FBXO25: variants seen among roughly 807,000 people sequenced by gnomAD.
FBXO25 encodes F-box protein 25, also known as F-box only protein 25.
A neutral mutation model predicts 51.9 loss-of-function variants in FBXO25; 45 were observed. The observed-to-expected ratio is 0.87, with a 90% confidence interval of 0.68 to 1.11. The LOEUF (loss-of-function observed/expected upper bound fraction) is 1.11, where lower values mean the gene tolerates loss of function less well. FBXO25 is among the 50% of genes most tolerant of loss of function. The pLI, the probability that FBXO25 is intolerant of heterozygous loss-of-function variation, is 0.00. For missense variants in FBXO25, 507 were observed against 428.5 expected, an observed-to-expected ratio of 1.18 and a Z score of -1.62; for synonymous variants, 199 against 151.0, an observed-to-expected ratio of 1.32 and a Z score of -2.33.
At chr8:446,461 G>A (rs1483861486) in intron 5 of FBXO25, among the ~76,000 whole-genome samples, 1 of 152,166 alleles carries the variant, frequency 6.6e-6, no homozygotes, top group Admixed American at 6.5e-5. Context: ...CTCAGTCTAG[G>A]ATTCAGATTA....
chr8:434,147 C>A (rs1214642053), intron 4 of FBXO25, among the ~76,000 whole-genome samples: 1 of 152,164 alleles, frequency 6.6e-6, no homozygotes, highest in Non-Finnish European at 1.5e-5. Context: ...GGACTGGGTG[C>A]TGGTGTCCCT....
intron 1 of FBXO25, among the ~76,000 whole-genome samples, chr8:408,914 T>G (rs1300138229): frequency 6.6e-6 from 1 of 152,204 alleles, no homozygotes; most frequent in African/African-American, 2.4e-5. Context: ...TTTAATAATT[T>G]TCAGGAGTAA....
intron 1 of FBXO25, among the ~76,000 whole-genome samples, chr8:412,848 T>C (rs535494258): frequency 5.9e-5 from 9 of 152,358 alleles, no homozygotes; most frequent in Non-Finnish European, 1.2e-4. Flanking sequence ...TTTCATGGGA[T>C]ACGCAGTATT....
At chr8:448,126 G>A (rs556019748) in intron 5 of FBXO25, among the ~76,000 whole-genome samples, 78 of 151,934 alleles carry the variant, frequency 5.1e-4, no homozygotes, top group Non-Finnish European at 1.0e-3. Context: ...AGGGAGAGGG[G>A]TTCCAGCATA....
chr8:421,747 G>A lies in FBXO25; in HGVS notation c.134+8534G>A, dbSNP rs568504345. On this transcript the variant is annotated intron_variant, in intron 2 of 9. Transcript: ENST00000350302. ...CCAGCCTGAGATGGTGGATCCTAAGGGCTCCTCAGGGAAGGGGTTGGTTCC... is the reference window on the plus strand; with the variant it reads ...CCAGCCTGAGATGGTGGATCCTAAGAGCTCCTCAGGGAAGGGGTTGGTTCC... Among the ~76,000 whole-genome samples, 11 of 152,266 alleles carry A rather than the reference G, an allele frequency of 7.2e-5. No homozygotes were observed. In the South Asian group the frequency reaches 2.3e-3, roughly 32 times the overall value.
At chr8:456,954 A>T (rs1799479237) in intron 7 of FBXO25, among the ~76,000 whole-genome samples, 1 of 152,232 alleles carries the variant, frequency 6.6e-6, no homozygotes, top group African/African-American at 2.4e-5. Flanking sequence ...CACAGAGGTC[A>T]GGTGATTTTG....
chr8:428,043 G>A (rs1306510007), intron 2 of FBXO25, among the ~76,000 whole-genome samples: 1 of 152,174 alleles, frequency 6.6e-6, no homozygotes, highest in Non-Finnish European at 1.5e-5. Flanking sequence ...ACTAAAATGA[G>A]GATTGTAATT....
chr8:470,704 A>G lies in FBXO25; in HGVS notation c.*1900A>G, dbSNP rs959199700. 2 of 152,230 alleles carry G rather than the reference A, an allele frequency of 1.3e-5. No homozygotes were observed. The highest frequency in any genetic ancestry group is 2.4e-5 in the African/African-American group (1 of 41,450). The allele number at this position is 152,230 out of a possible 1,614,324, so 9.4% of individuals were successfully genotyped here. ...CTGAGAAAAGAAATTGTTCTAATCT[A>G]GGAAAGGGAGTAAGTACATTGAGTT... is the stretch of plus-strand genomic sequence containing the variant. On this transcript the variant is annotated 3_prime_UTR_variant, in exon 10 of 10. Transcript: ENST00000350302.
Position 415,894 on chromosome 8 carries a change from A to C in FBXO25, c.134+2681A>C, listed in dbSNP as rs1245633215. Among the ~76,000 whole-genome samples the C allele has an allele frequency of 7.2e-5, 11 of 152,306 alleles. No individual in the cohort carries two copies. The East Asian group carries it at 2.1e-3, about 29-fold the overall frequency. Reference sequence around the variant, plus strand: ...TTTTCCATCAGATTTCAGTGTTATTATGGGCACTGTAATTGCCTATAGTTA... The same window carrying C: ...TTTTCCATCAGATTTCAGTGTTATTCTGGGCACTGTAATTGCCTATAGTTA... On this transcript the variant is annotated intron_variant, in intron 2 of 9. Transcript: ENST00000350302.
intron 1 of FBXO25, among the ~76,000 whole-genome samples, chr8:409,822 A>C (rs1328927194): frequency 6.6e-6 from 1 of 152,190 alleles, no homozygotes; most frequent in Non-Finnish European, 1.5e-5. Flanking sequence ...AACACTGCTC[A>C]CGCTGATCTG....
At chr8:425,937 A>G (rs1010364190) in intron 2 of FBXO25, among the ~76,000 whole-genome samples, 2 of 151,384 alleles carry the variant, frequency 1.3e-5, no homozygotes, top group African/African-American at 2.4e-5. Flanking sequence ...CTTTATAGCA[A>G]ACACTTAGTT....
At position 418,096 on chromosome 8, in the gene FBXO25, A is replaced by T. The variant is rs1350068688; in HGVS notation, c.134+4883A>T. Among the ~76,000 whole-genome samples the T allele has an allele frequency of 4.6e-5, 7 of 152,132 alleles. No homozygotes were observed. In the East Asian group the frequency reaches 1.4e-3, roughly 29 times the overall value. ...ACACACTGCACAAGGGGAGGGTTTC[A>T]TCATGAGGGAATAATGGCTGAAATG... On this transcript the variant is annotated intron_variant, in intron 2 of 9. Transcript: ENST00000350302.
chr8:459,954 T>C (rs142072018), intron 8 of FBXO25, among the ~76,000 whole-genome samples: 1 of 152,100 alleles, frequency 6.6e-6, no homozygotes, highest in Non-Finnish European at 1.5e-5. Flanking sequence ...AGTGGACTTG[T>C]TCGGGAGAAG....
chr8:462,276 C>A (rs1237091360), intron 8 of FBXO25, among the ~76,000 whole-genome samples: 1 of 152,190 alleles, frequency 6.6e-6, no homozygotes, highest in Non-Finnish European at 1.5e-5. Flanking sequence ...ATTTCTGAGA[C>A]TTATTTAGAT....
rs1018388919 is a variant in FBXO25, at chr8:475,815, C to CAT, written c.*7015_*7016dup. On this transcript the variant is annotated 3_prime_UTR_variant, in exon 10 of 10. Transcript: ENST00000350302. ...TATGTATGGACACTAGGATTTTCTA[C>CAT]ATATAAGATCATGTCATCTGCAAAC... 19 of 152,100 alleles carry CAT rather than the reference C, an allele frequency of 1.2e-4. No homozygotes were observed. The highest frequency in any genetic ancestry group is 4.6e-4 in the African/African-American group (19 of 41,408). The allele number at this position is 152,100 out of a possible 1,614,324, so 9.4% of individuals were successfully genotyped here.
intron 9 of FBXO25, chr8:468,306 C>G (rs951744464): frequency 2.0e-6 from 2 of 1,012,920 alleles, no homozygotes; most frequent in Non-Finnish European, 2.4e-6. Flanking sequence ...GTGGAGGGAA[C>G]CCTGTGTAAC....
intron 2 of FBXO25, among the ~76,000 whole-genome samples, chr8:417,922 T>A (rs1398230263): frequency 6.6e-6 from 1 of 152,252 alleles, no homozygotes; most frequent in African/African-American, 2.4e-5. Context: ...TTATGAAATC[T>A]AAGGTCCTAA....
In FBXO25 at chr8:406,982, T is replaced by A. The variant is rs1381022223; in HGVS notation, c.-92T>A. On this transcript the variant is annotated 5_prime_UTR_variant, in exon 1 of 10. Coordinates refer to ENST00000350302, the MANE Select transcript of FBXO25 (RefSeq NM_183420.2). Reference sequence around the variant, plus strand: ...CAATAACCGCCTGGTCGCCGTCAGGTGCGGGCCCAGGTGGCCGGCGCGCCC... The same window carrying A: ...CAATAACCGCCTGGTCGCCGTCAGGAGCGGGCCCAGGTGGCCGGCGCGCCC... 6.6e-6 allele frequency: 1 copy of A among 152,092 alleles called. No homozygotes were observed. The highest frequency in any genetic ancestry group is 2.4e-5 in the African/African-American group (1 of 41,388). The allele number at this position is 152,092 out of a possible 1,614,324, so 9.4% of individuals were successfully genotyped here. A position where few individuals can be genotyped will look rare whatever the true frequency, so the allele number is the denominator to read the frequency against.
At chr8:468,225 G>C in intron 9 of FBXO25, 1 of 1,009,508 alleles carries the variant, frequency 9.9e-7, no homozygotes, top group South Asian at 4.4e-5. Context: ...GGAGCCTTGG[G>C]GGCTGAGGCC....
Sources: allele counts gnomAD v4.1 joint callset (sites outside exome capture counted in the v4.1 genomes callset), GRCh38; gene constraint gnomAD v4.1.1; transcripts MANE v1.5; gene names NCBI Gene and HGNC (gene_info 2026-07-23, HGNC 2026-07-21).